Variants in MPP7 observed in about 807,000 individuals in gnomAD.
MPP7 encodes the protein MAGUK p55 scaffold protein 7.
MPP7 carries 60 observed loss-of-function variants against 76.5 expected under a neutral mutation model. The observed-to-expected ratio is 0.78, with a 90% CI of 0.64 to 0.97. MPP7 has a LOEUF of 0.97. MPP7 is among the 50% of genes least tolerant of loss of function. MPP7 has a pLI of 0.00. For missense variants in MPP7, 641 were observed against 694.0 expected, an observed-to-expected ratio of 0.92 and a Z score of 0.86; for synonymous variants, 237 against 244.5, an observed-to-expected ratio of 0.97 and a Z score of 0.29.
intron 2 of MPP7, among the ~76,000 whole-genome samples, chr10:28,316,016 C>G (rs541931925): frequency 6.6e-6 from 1 of 152,256 alleles, no homozygotes; most frequent in South Asian, 2.1e-4. Context: ...CCAAGGTAAT[C>G]AGAAACAAGG....
intron 16 of MPP7, among the ~76,000 whole-genome samples, chr10:28,055,715 C>T (rs1851527298): frequency 6.6e-6 from 1 of 152,138 alleles, no homozygotes; most frequent in Admixed American, 6.5e-5. Context: ...ACAAGCAAGG[C>T]ACATTATTAA....
At chr10:28,078,237 T>C (rs1389459384) in intron 12 of MPP7, among the ~76,000 whole-genome samples, 1 of 152,224 alleles carries the variant, frequency 6.6e-6, no homozygotes, top group Non-Finnish European at 1.5e-5. Flanking sequence ...ACGCAATCCA[T>C]ACTTCGTGAT....
At chr10:28,089,912 C>T in intron 11 of MPP7, 71 bp from the exon 12 acceptor site, 1 of 831,108 alleles carries the variant, frequency 1.2e-6, no homozygotes. Context: ...AAAAAAAACC[C>T]TCAGAGTTGG....
chr10:28,238,782 C>A, intron 1 of MPP7, 47 bp from the exon 2 acceptor site: 1 of 604,246 alleles, frequency 1.7e-6, no homozygotes, highest in Non-Finnish European at 2.9e-6. Context: ...GGACCATCAC[C>A]AAATCACAAC....
intron 5 of MPP7, among the ~76,000 whole-genome samples, chr10:28,131,989 G>A (rs1835208448): frequency 1.3e-5 from 2 of 152,126 alleles, no homozygotes; most frequent in South Asian, 4.1e-4. Context: ...ACATTCTCTG[G>A]TTTATCCTTA....
At chr10:28,237,032 G>A (rs1839100634) in intron 2 of MPP7, 1 of 152,120 alleles carries the variant, frequency 6.6e-6, no homozygotes. Context: ...GGCTGTGTGT[G>A]GAAAAGCTCC....
At chr10:28,071,790 T>C (rs1306423314) in intron 12 of MPP7, among the ~76,000 whole-genome samples, 2 of 152,154 alleles carry the variant, frequency 1.3e-5, no homozygotes, top group African/African-American at 4.8e-5. Flanking sequence ...GGAGCTATTC[T>C]GCACAAGAAA....
chr10:28,256,917 T>C (rs1839805508), intron 1 of MPP7, among the ~76,000 whole-genome samples: 1 of 152,216 alleles, frequency 6.6e-6, no homozygotes, highest in Admixed American at 6.5e-5. Context: ...GCTCATTCAA[T>C]GTATGCCGAG....
chr10:28,168,612 G>A (rs952644013), intron 3 of MPP7, among the ~76,000 whole-genome samples: 3 of 151,948 alleles, frequency 2.0e-5, no homozygotes, highest in African/African-American at 4.8e-5. Context: ...TTCGCCTCCC[G>A]GGTTCACACC....
intron 6 of MPP7, among the ~76,000 whole-genome samples, chr10:28,127,860 G>A: frequency 6.6e-6 from 1 of 152,212 alleles, no homozygotes; most frequent in Non-Finnish European, 1.5e-5. Flanking sequence ...AGGACTCACT[G>A]AGAAGATGAT....
At chr10:28,321,792 G>A (rs888431900) in intron 2 of MPP7, among the ~76,000 whole-genome samples, 10 of 152,034 alleles carry the variant, frequency 6.6e-5, no homozygotes, top group African/African-American at 2.4e-4. Flanking sequence ...CACCATGTTG[G>A]CCAGGCTGGT....
intron 3 of MPP7, among the ~76,000 whole-genome samples, chr10:28,195,830 A>G (rs1332537572): frequency 6.6e-6 from 1 of 152,202 alleles, no homozygotes; most frequent in African/African-American, 2.4e-5. Flanking sequence ...ATAGGAAAAG[A>G]ACAAAATAAA....
intron 3 of MPP7, among the ~76,000 whole-genome samples, chr10:28,185,537 A>G (rs1035098609): frequency 6.6e-6 from 1 of 152,218 alleles, no homozygotes; most frequent in African/African-American, 2.4e-5. Context: ...AAAGGTCCCA[A>G]TTTGATGTGA....
chr10:28,118,468 T>C (rs1588797725), intron 11 of MPP7: 1 of 985,202 alleles, frequency 1.0e-6, no homozygotes, highest in Non-Finnish European at 1.2e-6. Flanking sequence ...ATGCCAAATA[T>C]ATTAGAAATG....
intron 2 of MPP7, among the ~76,000 whole-genome samples, chr10:28,315,226 A>T (rs1263066424): frequency 1.6e-5 from 2 of 127,214 alleles, no homozygotes; most frequent in Non-Finnish European, 3.3e-5. Context: ...GAAGGAAGGG[A>T]GGGAGGGAGG....
chr10:28,148,634 TTTC>T (rs1564658891), intron 4 of MPP7, among the ~76,000 whole-genome samples: 11 of 152,194 alleles, frequency 7.2e-5, no homozygotes, highest in African/African-American at 2.7e-4. Flanking sequence ...TGAGGTAATA[TTTC>T]TACAGCATTT....
rs186181072 is a variant in MPP7, at chr10:28,098,855, A to T, written c.953-9014T>A. ...ATAAAAAATAAGAATATAATATAAGAAGTTAAGAATAAGGGCAAGGAAGAG... is the reference window on the plus strand; with the variant it reads ...ATAAAAAATAAGAATATAATATAAGTAGTTAAGAATAAGGGCAAGGAAGAG... On this transcript the variant is annotated intron_variant, in intron 11 of 16. Coordinates refer to ENST00000683449, the MANE Select transcript of MPP7 (RefSeq NM_001318170.2). 8.5e-5 allele frequency among the ~76,000 whole-genome samples: 13 copies of T among 152,120 alleles called. No individual in the cohort carries two copies. The East Asian group carries it at 2.5e-3, about 29-fold the overall frequency.
At chr10:28,195,823 G>A (rs1223908554) in intron 3 of MPP7, among the ~76,000 whole-genome samples, 1 of 152,084 alleles carries the variant, frequency 6.6e-6, no homozygotes, top group Non-Finnish European at 1.5e-5. Context: ...TGTGGGGATA[G>A]GAAAAGAACA....
chr10:28,306,668 T>TAGAGAGAGAGAG (rs55731439), upstream of MPP7, among the ~76,000 whole-genome samples: 36,175 of 148,206 alleles, frequency 0.24, 4,592 homozygotes, highest in Non-Finnish European at 0.28. Flanking sequence ...GATAGATAGA[T>TAGAGAGAGAGAG]AGAGAGAGAG....
Sources: gnomAD v4.1 joint callset for allele counts (sites outside exome capture counted in the v4.1 genomes callset) on GRCh38, gnomAD v4.1.1 for gene constraint, MANE v1.5 for transcripts, NCBI Gene and HGNC (gene_info 2026-07-23, HGNC 2026-07-21) for gene names.